The following ZNF761 variants were observed in gnomAD, a reference collection of about 807,000 sequenced individuals.
The protein encoded by ZNF761 is zinc finger protein 761.
A neutral mutation model predicts 59.9 loss-of-function variants in ZNF761; 43 were observed. That is an observed-to-expected ratio of 0.72 (90% CI 0.56 to 0.92). The LOEUF is 0.92. ZNF761 is among the 40% of genes least tolerant of loss of function. The probability of loss-of-function intolerance (pLI) is 0.00; values close to 1 mark genes in which losing one functional copy is unlikely to be tolerated. For missense variants in ZNF761, 850 were observed against 906.1 expected (o/e 0.94, Z 0.79); for synonymous variants, 294 against 304.8 (o/e 0.96, Z 0.37).
rs1413337263 is a variant in ZNF761, at chr19:53,454,677, A to C, written c.170A>C (p.Glu57Ala). The change falls in exon 5 of 5, where the codon GAG becomes GCG. Residue 57 changes from glutamate (E) to alanine (A), a missense_variant. Transcript: ENST00000684525. The part of the protein sequence containing the change: ...LDISSKCTMK[E>A]FLSTAQGNRE... Reference sequence around the variant, plus strand: ...ATCTCTTCCAAATGCACGATGAAGGAGTTCTTGTCAACAGCGCAAGGCAAC... The same window carrying C: ...ATCTCTTCCAAATGCACGATGAAGGCGTTCTTGTCAACAGCGCAAGGCAAC... 6.2e-7 allele frequency: 1 copy of C among 1,602,866 alleles called. No individual in the cohort carries two copies.
At chr19:53,445,885 G>A (rs1356116197) in intron 1 of ZNF761, among the ~76,000 whole-genome samples, 1 of 152,062 alleles carries the variant, frequency 6.6e-6, no homozygotes, top group African/African-American at 2.4e-5. Flanking sequence ...CCTCACTGTG[G>A]CTCCACAGCC....
At chr19:53,439,600 T>A (rs1170051619) in intron 1 of ZNF761, among the ~76,000 whole-genome samples, 1 of 152,156 alleles carries the variant, frequency 6.6e-6, no homozygotes, top group East Asian at 1.9e-4. Context: ...AGTCTAAGAC[T>A]GTAAGCTAGC....
At chr19:53,433,952 C>A (rs984342223) in intron 1 of ZNF761, among the ~76,000 whole-genome samples, 2 of 152,114 alleles carry the variant, frequency 1.3e-5, no homozygotes, top group African/African-American at 4.8e-5. Context: ...TCATTGATTT[C>A]TAGGCAGCAA....
At chr19:53,435,547 C>G (rs562791535) in intron 1 of ZNF761, among the ~76,000 whole-genome samples, 1 of 151,928 alleles carries the variant, frequency 6.6e-6, no homozygotes, top group Non-Finnish European at 1.5e-5. Flanking sequence ...AGGTGATCCA[C>G]CCATCGTGGC....
chr19:53,439,531 C>T lies in ZNF761; in HGVS notation c.-184-6696C>T, dbSNP rs149687362. Among the ~76,000 whole-genome samples, 367 of 152,136 alleles carry T rather than the reference C, an allele frequency of 2.4e-3. 1 individual carries two copies. The highest frequency in any genetic ancestry group is 8.2e-3 in the African/African-American group (340 of 41,532). On this transcript the variant is annotated intron_variant, in intron 1 of 4. Coordinates refer to ENST00000684525, the MANE Select transcript of ZNF761 (RefSeq NM_001289951.2). Reference sequence around the variant, plus strand: ...GACGCTTCTTTTCTCTTATGAAATGCAAAGATAGGCTGACTAACTGGTGCC... The same window carrying T: ...GACGCTTCTTTTCTCTTATGAAATGTAAAGATAGGCTGACTAACTGGTGCC...
intron 1 of ZNF761, among the ~76,000 whole-genome samples, chr19:53,433,459 G>GAAAACAGCGTTATCTTGTAACTGTTCT (rs1568796772): frequency 3.1e-5 from 1 of 32,010 alleles, no homozygotes; most frequent in Non-Finnish European, 5.5e-5. Context: ...CTTCGACTTC[G>GAAAACAGCGTTATCTTGTAACTGTTCT]CCAAGTCGAG....
chr19:53,432,200 T>C (rs200586796), intron 1 of ZNF761, among the ~76,000 whole-genome samples, 172 bp downstream of exon 1: 2 of 152,122 alleles, frequency 1.3e-5, no homozygotes. Flanking sequence ...GGGTTTAAGG[T>C]CCCCCTGAGG....
At chr19:53,441,924 C>G in intron 1 of ZNF761, 1 of 1,538,520 alleles carries the variant, frequency 6.5e-7, no homozygotes, top group Non-Finnish European at 8.8e-7. Flanking sequence ...CAGCACCAGG[C>G]AGATGATGCA....
chr19:53,439,432 A>C (rs1162002434), intron 1 of ZNF761, among the ~76,000 whole-genome samples: 4 of 151,892 alleles, frequency 2.6e-5, no homozygotes, highest in Admixed American at 6.6e-5. Flanking sequence ...CAGCCTCCCG[A>C]ATAGGTGGGA....
At chr19:53,440,610 G>A (rs1600085732) in intron 1 of ZNF761, among the ~76,000 whole-genome samples, 2 of 152,078 alleles carry the variant, frequency 1.3e-5, no homozygotes, top group Non-Finnish European at 2.9e-5. Context: ...GCAGGATGGG[G>A]TAGGAAGTGG....
In ZNF761 at chr19:53,454,771, G is replaced by A. The variant is rs1228114720; in HGVS notation, c.264G>A (p.Gln88=). ...ESHHNGDFCY[Q]DVDKDIHDYE... ...ATCACAATGGAGATTTTTGCTACCA[G>A]GATGTTGATAAAGATATTCATGACT... The change falls in exon 5 of 5, where the codon CAG becomes CAA. Residue 88 remains glutamine (Q), a synonymous_variant. Coordinates refer to ENST00000684525, the MANE Select transcript of ZNF761 (RefSeq NM_001289951.2). 6.2e-7 allele frequency: 1 copy of A among 1,614,080 alleles called. No individual in the cohort carries two copies. The highest frequency in any genetic ancestry group is 8.5e-7 in the Non-Finnish European group (1 of 1,180,014).
At chr19:53,440,505 A>G (rs1312644740) in intron 1 of ZNF761, among the ~76,000 whole-genome samples, 3 of 152,196 alleles carry the variant, frequency 2.0e-5, no homozygotes, top group African/African-American at 4.8e-5. Flanking sequence ...TGTACATTGT[A>G]TAAATCTTGG....
chr19:53,445,137 C>G (rs2086143451), intron 1 of ZNF761: 1 of 151,972 alleles, frequency 6.6e-6, no homozygotes, highest in Non-Finnish European at 1.5e-5. Flanking sequence ...TGATCCATTG[C>G]TCCCAGCCAC....
At chr19:53,447,433 C>A in intron 3 of ZNF761, 150 bp downstream of exon 3, 2 of 1,219,388 alleles carry the variant, frequency 1.6e-6, no homozygotes, top group Non-Finnish European at 1.2e-6. Flanking sequence ...TCTTATCTCG[C>A]TTAGATTCCA....
rs529827231 is a variant in ZNF761 at position 53,449,159 on chromosome 19, G to A, written c.16-353G>A. Among the ~76,000 whole-genome samples the A allele has an allele frequency of 3.4e-4, 52 of 152,026 alleles. 1 individual carries two copies. Among genetic ancestry groups the A allele is most frequent in the Non-Finnish European group, 6.6e-4 (45 of 68,010 alleles). On this transcript the variant is annotated intron_variant, in intron 3 of 4. Coordinates refer to ENST00000684525, the MANE Select transcript of ZNF761 (RefSeq NM_001289951.2). Reference sequence around the variant, plus strand: ...AACCTGGCTATTACGGTGAAACCCCGTTTCTGCTAAAAATACAAAAATTAA... The same window carrying A: ...AACCTGGCTATTACGGTGAAACCCCATTTCTGCTAAAAATACAAAAATTAA...
At position 53,456,624 on chromosome 19, in the gene ZNF761, T is replaced by C. The variant is rs2086275048; in HGVS notation, c.2117T>C (p.Ile706Thr). ...GKNFSQKSSL[I>T]CHHRLHTGEK... The stretch of plus-strand genomic sequence containing the variant: ...AACTTTAGTCAGAAGTCATCCCTTA[T>C]ATGCCACCATAGACTTCATACTGGA... Residue 706 changes from isoleucine (I) to threonine (T), a missense_variant, in exon 5 of 5, where the codon ATA becomes ACA. Physicochemically the swap from Ile to Thr is moderately conservative, Grantham distance 89 (BLOSUM62 -1). Coordinates refer to ENST00000684525, the MANE Select transcript of ZNF761 (RefSeq NM_001289951.2). 5 of 1,607,040 alleles carry C rather than the reference T, an allele frequency of 3.1e-6. No individual in the cohort carries two copies. The highest frequency in any genetic ancestry group is 4.2e-6 in the Non-Finnish European group (5 of 1,177,180).
intron 1 of ZNF761, among the ~76,000 whole-genome samples, chr19:53,439,905 T>G (rs1178383443): frequency 1.3e-5 from 2 of 152,164 alleles, no homozygotes; most frequent in Non-Finnish European, 2.9e-5. Context: ...ATTCTGCTAC[T>G]ACTGGTGCAT....
At chr19:53,449,689 T>C (rs1395438718) in intron 4 of ZNF761, 51 bp downstream of exon 4, 14 of 1,591,940 alleles carry the variant, frequency 8.8e-6, no homozygotes, top group Non-Finnish European at 9.4e-6. Context: ...TGTATCTTTG[T>C]ATTTTCTCTT....
Position 53,454,817 on chromosome 19 carries a change from G to C in ZNF761, c.310G>C (p.Asp104His), listed in dbSNP as rs547390147. ...TGACTATGAATTTCAATGGCAAGAA[G>C]ATGAAAGAAATGGCCATGAAGCACC... ...IHDYEFQWQE[D>H]ERNGHEAPMT... Residue 104 changes from aspartate to histidine, a missense_variant, in exon 5 of 5, where the codon GAT (aspartate) becomes CAT (histidine). Coordinates refer to ENST00000684525, the MANE Select transcript of ZNF761 (RefSeq NM_001289951.2). 1 of 1,614,118 alleles carries C rather than the reference G, an allele frequency of 6.2e-7. No homozygotes were observed. Among genetic ancestry groups the C allele is most frequent in the African/African-American group, 1.3e-5 (1 of 75,032 alleles).
Sources: gnomAD v4.1 joint callset for allele counts (sites outside exome capture counted in the v4.1 genomes callset) on GRCh38, gnomAD v4.1.1 for gene constraint, MANE v1.5 for transcripts, NCBI Gene and HGNC (gene_info 2026-07-23, HGNC 2026-07-21) for gene names.